Variants in FSHR observed in about 807,000 individuals in gnomAD.
The protein encoded by FSHR is follicle-stimulating hormone receptor.
In FSHR, 46 loss-of-function variants were observed where a neutral mutation model predicts 52.1. That is an observed-to-expected ratio of 0.88 (90% CI 0.70 to 1.13). The LOEUF (loss-of-function observed/expected upper bound fraction) is 1.13, where lower values mean the gene tolerates loss of function less well. Ranked by LOEUF, FSHR falls within the 50% of genes most tolerant of loss-of-function variation. The pLI, the probability that FSHR is intolerant of heterozygous loss-of-function variation, is 0.00. For synonymous variants in FSHR, 399 were observed against 309.6 expected (o/e 1.29, Z -3.03); for missense variants, 964 against 834.6 (o/e 1.16, Z -1.91).
intron 2 of FSHR, among the ~76,000 whole-genome samples, chr2:49,036,723 G>A (rs545207879): frequency 6.6e-6 from 1 of 152,080 alleles, no homozygotes; most frequent in South Asian, 2.1e-4. Context: ...TAATTTATTG[G>A]TTACCTCTCT....
chr2:49,019,915 G>A (rs555187493), intron 3 of FSHR, among the ~76,000 whole-genome samples, 171 bp downstream of exon 3: 171 of 152,290 alleles, frequency 1.1e-3, no homozygotes, highest in Admixed American at 1.6e-3. Flanking sequence ...TGGTCCCTGG[G>A]TCACCAGATA....
chr2:49,027,703 A>G (rs1287966655), intron 2 of FSHR, among the ~76,000 whole-genome samples: 1 of 152,126 alleles, frequency 6.6e-6, no homozygotes, highest in Admixed American at 6.6e-5. Context: ...TACAAAAACT[A>G]GACAGGTTTG....
intron 1 of FSHR, among the ~76,000 whole-genome samples, chr2:49,110,717 G>T (rs778837591): frequency 4.6e-5 from 7 of 152,102 alleles, no homozygotes; most frequent in Non-Finnish European, 1.0e-4. Context: ...GACTCAGCAA[G>T]CTGCAATTCC....
chr2:49,106,298 T>C (rs1572752213), intron 1 of FSHR, among the ~76,000 whole-genome samples: 1 of 152,126 alleles, frequency 6.6e-6, no homozygotes, highest in African/African-American at 2.4e-5. Flanking sequence ...ATATCAGCGA[T>C]GTCTCTGGTA....
At chr2:49,132,099 C>A (rs910328454) in intron 1 of FSHR, among the ~76,000 whole-genome samples, 1 of 152,080 alleles carries the variant, frequency 6.6e-6, no homozygotes, top group African/African-American at 2.4e-5. Context: ...CTCTTAAATC[C>A]CAGCAAGTGG....
intron 1 of FSHR, among the ~76,000 whole-genome samples, chr2:49,103,553 C>T (rs1671110739): frequency 6.6e-6 from 1 of 152,096 alleles, no homozygotes; most frequent in Non-Finnish European, 1.5e-5. Context: ...CAATAACTGA[C>T]ATCCAAGGAT....
At chr2:49,073,892 A>T (rs897342043) in intron 1 of FSHR, among the ~76,000 whole-genome samples, 1 of 152,084 alleles carries the variant, frequency 6.6e-6, no homozygotes, top group Non-Finnish European at 1.5e-5. Flanking sequence ...CCATGTATTG[A>T]CATTCAACTA....
intron 1 of FSHR, among the ~76,000 whole-genome samples, chr2:49,083,032 A>C (rs1257562570): frequency 6.6e-6 from 1 of 151,000 alleles, no homozygotes; most frequent in Non-Finnish European, 1.5e-5. Flanking sequence ...CAACTCCAAG[A>C]TACATAATTG....
intron 2 of FSHR, among the ~76,000 whole-genome samples, chr2:49,047,420 A>G (rs2104294750): frequency 6.6e-6 from 1 of 152,362 alleles, no homozygotes; most frequent in South Asian, 2.1e-4. Context: ...GCCCATCAAA[A>G]GACGGGATCT....
intron 1 of FSHR, among the ~76,000 whole-genome samples, chr2:49,119,676 T>C (rs1464694315): frequency 6.6e-6 from 1 of 152,158 alleles, no homozygotes. Context: ...AGGTAACATA[T>C]ATCACCCTTG....
intron 2 of FSHR, among the ~76,000 whole-genome samples, chr2:49,063,156 G>C (rs528850814): frequency 6.6e-6 from 1 of 152,196 alleles, no homozygotes; most frequent in East Asian, 1.9e-4. Flanking sequence ...AGGGAGGGAG[G>C]ATTAATTTAA....
At chr2:49,011,803 C>G (rs901225628) in intron 4 of FSHR, among the ~76,000 whole-genome samples, 4 of 152,078 alleles carry the variant, frequency 2.6e-5, no homozygotes, top group East Asian at 1.9e-4. Flanking sequence ...TGCCTCTTGA[C>G]TCCCTACCCT....
At chr2:49,008,660 CTA>C (rs1667156256) in intron 4 of FSHR, among the ~76,000 whole-genome samples, 1 of 140,972 alleles carries the variant, frequency 7.1e-6, no homozygotes, top group Non-Finnish European at 1.5e-5. Context: ...AAAAGTGTTC[CTA>C]TTTCTCCACA....
In FSHR at chr2:49,089,155, A is replaced by T. The variant is rs146668041; in HGVS notation, c.153-20865T>A. Among the ~76,000 whole-genome samples the T allele has an allele frequency of 4.4e-3, 651 of 149,124 alleles. 6 individuals are homozygous for T. Among genetic ancestry groups the T allele is most frequent in the African/African-American group, 0.016 (617 of 38,778 alleles). ...TGAGGAATGATTTATTTAATTATTTAATCTTCGTGGTGATAACCGGATTAT... is the reference window on the plus strand; with the variant it reads ...TGAGGAATGATTTATTTAATTATTTTATCTTCGTGGTGATAACCGGATTAT... On this transcript the variant is annotated intron_variant, in intron 1 of 9. Transcript: ENST00000406846.
chr2:49,051,719 CA>C (rs1216727034), intron 2 of FSHR, among the ~76,000 whole-genome samples: 2 of 151,842 alleles, frequency 1.3e-5, no homozygotes, highest in East Asian at 3.9e-4. Flanking sequence ...TAATGAAGTC[CA>C]AAATAACACT....
intron 1 of FSHR, among the ~76,000 whole-genome samples, chr2:49,141,094 C>T (rs1180264454): frequency 2.0e-5 from 3 of 152,158 alleles, no homozygotes; most frequent in African/African-American, 4.8e-5. Context: ...TCAAACAGCT[C>T]CTTGACATTA....
intron 1 of FSHR, among the ~76,000 whole-genome samples, chr2:49,108,662 A>T (rs147340007): frequency 1.5e-4 from 23 of 152,286 alleles, no homozygotes; most frequent in African/African-American, 5.1e-4. Context: ...AAAGCAGAAC[A>T]AGGCATGTTT....
At chr2:49,005,112 T>C (rs964284313) in intron 4 of FSHR, among the ~76,000 whole-genome samples, 2 of 152,080 alleles carry the variant, frequency 1.3e-5, no homozygotes, top group African/African-American at 4.8e-5. Context: ...TTGATATAAA[T>C]TGATGGATCA....
intron 1 of FSHR, among the ~76,000 whole-genome samples, chr2:49,153,279 T>C (rs1018826258): frequency 6.6e-6 from 1 of 152,236 alleles, no homozygotes; most frequent in African/African-American, 2.4e-5. Context: ...AACAGGCTTC[T>C]GTTTAAAATC....
Sources: gnomAD v4.1 joint callset for allele counts (sites outside exome capture counted in the v4.1 genomes callset) on GRCh38, gnomAD v4.1.1 for gene constraint, MANE v1.5 for transcripts, NCBI Gene and HGNC (gene_info 2026-07-23, HGNC 2026-07-21) for gene names.